Variants in TPH2 observed in about 807,000 individuals in gnomAD.
The protein encoded by TPH2 is tryptophan hydroxylase 2.
Under a neutral mutation model 59.1 loss-of-function variants are expected in TPH2, and 27 were observed. That is an observed-to-expected ratio of 0.46 (90% CI 0.34 to 0.63). The LOEUF is 0.63. TPH2 is among the 30% of genes least tolerant of loss of function. TPH2 has a pLI of 0.01. For synonymous variants in TPH2, 220 were observed against 210.5 expected, an observed-to-expected ratio of 1.05 and a Z score of -0.39; for missense variants, 523 against 588.3, an observed-to-expected ratio of 0.89 and a Z score of 1.15.
chr12:71,960,664 A>G (rs1476840344), intron 5 of TPH2, among the ~76,000 whole-genome samples: 1 of 152,196 alleles, frequency 6.6e-6, no homozygotes, highest in South Asian at 2.1e-4. Context: ...TGATTATAGC[A>G]TGGCTCCCAC....
chr12:71,996,880 A>T (rs939995847), intron 8 of TPH2, among the ~76,000 whole-genome samples: 5 of 152,264 alleles, frequency 3.3e-5, no homozygotes, highest in African/African-American at 1.2e-4. Context: ...AATTACATTT[A>T]TAAGGAATGT....
intron 8 of TPH2, among the ~76,000 whole-genome samples, chr12:72,014,290 T>G (rs1873178626): frequency 6.6e-6 from 1 of 152,164 alleles, no homozygotes; most frequent in Admixed American, 6.5e-5. Flanking sequence ...CCTCTTAATT[T>G]ACATTTTACA....
intron 4 of TPH2, among the ~76,000 whole-genome samples, chr12:71,948,508 C>T (rs900133219): frequency 1.3e-5 from 2 of 152,142 alleles, no homozygotes; most frequent in African/African-American, 2.4e-5. Flanking sequence ...TTCTCTCCAG[C>T]CAGGCAAGAG....
chr12:72,001,428 CTT>C (rs529030879), intron 8 of TPH2, among the ~76,000 whole-genome samples: 19 of 140,896 alleles, frequency 1.3e-4, no homozygotes, highest in East Asian at 2.1e-4. Context: ...GCTTTGTGTT[CTT>C]TTTTTTTTTT....
chr12:72,026,879 T>A (rs970865723), intron 9 of TPH2, among the ~76,000 whole-genome samples: 20 of 152,190 alleles, frequency 1.3e-4, no homozygotes, highest in Non-Finnish European at 2.2e-4. Context: ...GATGAGCCTT[T>A]GAGGGAGGCT....
chr12:71,992,747 T>C (rs1872608768), intron 7 of TPH2, among the ~76,000 whole-genome samples: 1 of 152,220 alleles, frequency 6.6e-6, no homozygotes, highest in Non-Finnish European at 1.5e-5. Context: ...ATAAAACACG[T>C]AAGGAAAGAT....
At position 71,943,752 on chromosome 12, in the gene TPH2, T is replaced by C. The variant is rs557413126; in HGVS notation, c.256-542T>C. Among the ~76,000 whole-genome samples the C allele has an allele frequency of 2.0e-5, 3 of 152,152 alleles. No individual in the cohort carries two copies. The East Asian group carries it at 5.8e-4, about 29-fold the overall frequency. On this transcript the variant is annotated intron_variant, in intron 2 of 10. Transcript: ENST00000333850. ...TATGGGTTACAGTTTGGCTAGTGTT[T>C]CCCAAGCCTCAGTCATTTCCATGCC...
chr12:72,021,733 G>A (rs1308937126), intron 8 of TPH2, among the ~76,000 whole-genome samples: 3 of 152,000 alleles, frequency 2.0e-5, no homozygotes, highest in East Asian at 1.9e-4. Flanking sequence ...ATTGTAAGTC[G>A]AGCAGCATGT....
chr12:71,953,468 CTTG>C (rs2139187868), intron 5 of TPH2, among the ~76,000 whole-genome samples: 1 of 152,238 alleles, frequency 6.6e-6, no homozygotes, highest in Admixed American at 6.5e-5. Flanking sequence ...CCAAATGGGC[CTTG>C]TCCATTTTCT....
At chr12:72,011,220 C>A (rs1873091375) in intron 8 of TPH2, among the ~76,000 whole-genome samples, 1 of 152,188 alleles carries the variant, frequency 6.6e-6, no homozygotes, top group Non-Finnish European at 1.5e-5. Context: ...AGATGTTGCA[C>A]TGAGGCTCAT....
chr12:71,983,980 T>G (rs1345438706), intron 7 of TPH2, among the ~76,000 whole-genome samples: 2 of 152,122 alleles, frequency 1.3e-5, no homozygotes, highest in African/African-American at 2.4e-5. Flanking sequence ...GGGTGTGGTG[T>G]TCTATTTCTA....
Position 71,939,007 on chromosome 12 carries a change from G to T in TPH2, c.21G>T (p.Met7Ile). MQPAMM[M>I]FSSKYWARRG... Reference sequence around the variant, plus strand: ...GATCCATGCAGCCAGCAATGATGATGTTTTCCAGTAAATACTGGGCACGGA... The same window carrying T: ...GATCCATGCAGCCAGCAATGATGATTTTTTCCAGTAAATACTGGGCACGGA... Residue 7 changes from methionine (M) to isoleucine (I), a missense_variant, in exon 1 of 11, where the codon ATG becomes ATT. Physicochemically the swap from Met to Ile is conservative, Grantham distance 10. Transcript: ENST00000333850. The T allele has an allele frequency of 6.2e-7, 1 of 1,614,118 alleles. No homozygotes were observed. Among genetic ancestry groups the T allele is most frequent in the Non-Finnish European group, 8.5e-7 (1 of 1,180,018 alleles).
chr12:72,001,108 A>G (rs1253675197), intron 8 of TPH2, among the ~76,000 whole-genome samples: 1 of 152,208 alleles, frequency 6.6e-6, no homozygotes, highest in Non-Finnish European at 1.5e-5. Flanking sequence ...AATACACCAC[A>G]GATGTTTCCA....
intron 8 of TPH2, among the ~76,000 whole-genome samples, chr12:72,020,841 T>A (rs1258674471): frequency 1.3e-5 from 2 of 152,092 alleles, no homozygotes; most frequent in Admixed American, 6.6e-5. Flanking sequence ...AAATTTTACT[T>A]CTGGAGGTTA....
At chr12:71,962,340 A>C (rs1442644726) in intron 5 of TPH2, 17 of 985,344 alleles carry the variant, frequency 1.7e-5, no homozygotes, top group Non-Finnish European at 2.0e-5. Context: ...TCAGCCAAGG[A>C]AACATCTCTG....
At chr12:71,971,532 G>A (rs915676516) in intron 5 of TPH2, among the ~76,000 whole-genome samples, 3 of 152,152 alleles carry the variant, frequency 2.0e-5, no homozygotes, top group African/African-American at 7.2e-5. Context: ...CCTGGTTGCA[G>A]CACGAGGTAT....
chr12:72,030,540 C>A (rs768123766), intron 9 of TPH2, among the ~76,000 whole-genome samples: 1 of 152,228 alleles, frequency 6.6e-6, no homozygotes, highest in African/African-American at 2.4e-5. Flanking sequence ...GTGAGCTGAA[C>A]GGAGCTAATG....
At chr12:71,960,937 T>C (rs867161654) in intron 5 of TPH2, among the ~76,000 whole-genome samples, 1 of 152,222 alleles carries the variant, frequency 6.6e-6, no homozygotes, top group Non-Finnish European at 1.5e-5. Context: ...TTCATTTTTA[T>C]ACACCTGGAG....
At chr12:72,010,437 C>T in intron 8 of TPH2, among the ~76,000 whole-genome samples, 1 of 152,122 alleles carries the variant, frequency 6.6e-6, no homozygotes, top group Non-Finnish European at 1.5e-5. Context: ...TTGGTGTCAT[C>T]TCTGAGTATG....
Sources: gnomAD v4.1 joint callset for allele counts (sites outside exome capture counted in the v4.1 genomes callset) on GRCh38, gnomAD v4.1.1 for gene constraint, MANE v1.5 for transcripts, NCBI Gene and HGNC (gene_info 2026-07-23, HGNC 2026-07-21) for gene names.